RBFOX3: variants seen among roughly 807,000 people sequenced by gnomAD.
RBFOX3 encodes RNA binding fox-1 homolog 3.
RBFOX3 carries 17 observed loss-of-function variants against 48.7 expected under a neutral mutation model. The ratio of observed to expected loss-of-function variants is 0.35; its 90% CI spans 0.24 to 0.52. RBFOX3 has a LOEUF of 0.52. RBFOX3 is among the 20% of genes least tolerant of loss of function. The pLI is 0.94. For synonymous variants in RBFOX3, 212 were observed against 209.5 expected (o/e 1.01, Z -0.10); for missense variants, 382 against 497.5 (o/e 0.77, Z 2.21).
intron 14 of RBFOX3, chr17:79,092,324 T>C: frequency 1.0e-6 from 1 of 985,488 alleles, no homozygotes; most frequent in Non-Finnish European, 1.2e-6. Flanking sequence ...GCTTGGGTAG[T>C]ACAACATCAA....
chr17:79,468,026 C>T (rs1252652336), intron 2 of RBFOX3, among the ~76,000 whole-genome samples: 2 of 152,120 alleles, frequency 1.3e-5, no homozygotes, highest in Non-Finnish European at 2.9e-5. Context: ...CTCTCACTTC[C>T]CACTTTGCAG....
intron 4 of RBFOX3, among the ~76,000 whole-genome samples, chr17:79,138,005 C>G (rs534666938): frequency 6.8e-4 from 103 of 152,310 alleles, no homozygotes; most frequent in African/African-American, 2.4e-3. Context: ...CAGGCGGAGG[C>G]ACATCCCAGG....
At chr17:79,498,220 T>G (rs1167049988) in intron 1 of RBFOX3, among the ~76,000 whole-genome samples, 1 of 152,214 alleles carries the variant, frequency 6.6e-6, no homozygotes, top group Non-Finnish European at 1.5e-5. Flanking sequence ...GATCCCGCCA[T>G]GACATCTGCC....
At chr17:79,280,445 GC>G (rs2070131287) in intron 3 of RBFOX3, among the ~76,000 whole-genome samples, 1 of 152,180 alleles carries the variant, frequency 6.6e-6, no homozygotes, top group African/African-American at 2.4e-5. Context: ...GGAATGTGAG[GC>G]CCACCCATCA....
chr17:79,207,794 C>G (rs370181226), intron 4 of RBFOX3, among the ~76,000 whole-genome samples: 54 of 152,298 alleles, frequency 3.5e-4, no homozygotes, highest in African/African-American at 1.2e-3. Context: ...CTCCAGGCAG[C>G]GCCTCCTGCA....
intron 3 of RBFOX3, among the ~76,000 whole-genome samples, chr17:79,270,907 T>C (rs1234854020): frequency 1.3e-5 from 2 of 152,252 alleles, no homozygotes; most frequent in Non-Finnish European, 2.9e-5. Flanking sequence ...GTTCAGTCAT[T>C]TTCCAATGTT....
chr17:79,120,735 T>TGGAAGGGTGGGTGGGTGGAC (rs2035514102), intron 4 of RBFOX3, among the ~76,000 whole-genome samples: 1 of 151,038 alleles, frequency 6.6e-6, no homozygotes, highest in Admixed American at 6.6e-5. Flanking sequence ...GGTGGGTGGA[T>TGGAAGGGTGGGTGGGTGGAC]GGATGGACAG....
At chr17:79,321,682 G>A (rs12935880) in intron 2 of RBFOX3, among the ~76,000 whole-genome samples, 4,769 of 151,126 alleles carry the variant, frequency 0.032, 103 homozygotes, top group Middle Eastern at 0.055. Flanking sequence ...CTGGAATTGC[G>A]AGCCGGGCTT....
At chr17:79,173,778 T>C (rs551684828) in intron 4 of RBFOX3, among the ~76,000 whole-genome samples, 57 of 152,212 alleles carry the variant, frequency 3.7e-4, no homozygotes, top group African/African-American at 1.3e-3. Context: ...CACCGTGTCT[T>C]GCCATGCAGC....
At chr17:79,171,776 C>A (rs1599791437) in intron 4 of RBFOX3, among the ~76,000 whole-genome samples, 1 of 151,288 alleles carries the variant, frequency 6.6e-6, no homozygotes, top group African/African-American at 2.5e-5. Context: ...GTGATCCTCC[C>A]AACTCAACCT....
intron 4 of RBFOX3, among the ~76,000 whole-genome samples, chr17:79,230,871 C>G (rs1007398372): frequency 2.0e-5 from 3 of 152,018 alleles, no homozygotes; most frequent in Non-Finnish European, 4.4e-5. Flanking sequence ...AGAGACAGAT[C>G]CGGTGTAAAG....
At chr17:79,331,108 G>A (rs374773914) in intron 2 of RBFOX3, among the ~76,000 whole-genome samples, 91 of 152,194 alleles carry the variant, frequency 6.0e-4, no homozygotes, top group African/African-American at 1.8e-3. Flanking sequence ...CTCCCAGACC[G>A]CCCAGCTCAA....
chr17:79,151,269 G>A (rs1464429747), intron 4 of RBFOX3, among the ~76,000 whole-genome samples: 1 of 151,144 alleles, frequency 6.6e-6, no homozygotes, highest in Non-Finnish European at 1.5e-5. Context: ...GGGGAGAAGC[G>A]AAATCCAGTG....
chr17:79,400,660 C>T (rs1259953233), intron 2 of RBFOX3, among the ~76,000 whole-genome samples: 3 of 152,174 alleles, frequency 2.0e-5, no homozygotes, highest in Non-Finnish European at 4.4e-5. Context: ...ATGCAGAAGG[C>T]TCAGACACAC....
intron 5 of RBFOX3, among the ~76,000 whole-genome samples, chr17:79,112,907 G>GGCC (rs1483833899): frequency 1.4e-5 from 1 of 71,466 alleles, no homozygotes; most frequent in South Asian, 3.8e-4. Flanking sequence ...AGGCTCTCGG[G>GGCC]GGGGGGGTGG....
intron 2 of RBFOX3, among the ~76,000 whole-genome samples, chr17:79,317,807 G>A (rs2077743913): frequency 1.3e-5 from 2 of 152,052 alleles, no homozygotes; most frequent in Admixed American, 1.3e-4. Context: ...ACCTAAGGGT[G>A]CCACCTTGTC....
intron 4 of RBFOX3, among the ~76,000 whole-genome samples, chr17:79,164,642 G>A (rs937459714): frequency 3.3e-5 from 5 of 152,314 alleles, no homozygotes; most frequent in South Asian, 4.1e-4. Context: ...AAAAGTGCAC[G>A]CATTCCTCGG....
At position 79,525,734 on chromosome 17, in the gene RBFOX3, TAGAGG is replaced by T. The variant is rs2086709878; in HGVS notation, c.-319-43141_-319-43137del. Among the ~76,000 whole-genome samples, 5 of 152,240 alleles carry T rather than the reference TAGAGG, an allele frequency of 3.3e-5. No individual in the cohort carries two copies. In the South Asian group the frequency reaches 1.0e-3, roughly 31 times the overall value. ...TATTTTTTCTAAGCTTGGGTTTTTG[TAGAGG>T]AAAGTTGTTTCCTTGTTTGAGTATA... On this transcript the variant is annotated intron_variant, in intron 1 of 14. Coordinates refer to ENST00000693108, the MANE Select transcript of RBFOX3 (RefSeq NM_001350451.2).
rs762057928 is a variant in RBFOX3 at position 79,243,328 on chromosome 17, C to T, written c.-73-7523G>A. Among the ~76,000 whole-genome samples, 1 of 152,132 alleles carries T rather than the reference C, an allele frequency of 6.6e-6. No homozygotes were observed. The highest frequency in any genetic ancestry group is 1.5e-5 in the Non-Finnish European group (1 of 68,026). ...AACCAACGTGGCCCCAGGAGAAAAC[C>T]CACTGTACTCCTTTTGCTCATTGCC... On this transcript the variant is annotated intron_variant, in intron 3 of 14. Transcript: ENST00000693108. This position sits in a 1 kb window ranked among gnomAD's most constrained non-coding sequence, Gnocchi z 7.9.
Sources: gnomAD v4.1 joint callset for allele counts (sites outside exome capture counted in the v4.1 genomes callset) on GRCh38, gnomAD v4.1.1 for gene constraint, Gnocchi (gnomAD v3.1) non-coding constraint, MANE v1.5 for transcripts, NCBI Gene and HGNC (gene_info 2026-07-23, HGNC 2026-07-21) for gene names.